Variants in PCDH15 observed in about 807,000 individuals in gnomAD.
PCDH15 encodes the protein protocadherin related 15.
In PCDH15, 129 loss-of-function variants were observed where a neutral mutation model predicts 178.5. That is an observed-to-expected ratio of 0.72 (90% CI 0.63 to 0.84). The LOEUF (loss-of-function observed/expected upper bound fraction) is 0.84, where lower values mean the gene tolerates loss of function less well. Among genes scored for constraint, PCDH15 ranks in the 40% least tolerant of loss-of-function variants. The probability of loss-of-function intolerance (pLI) is 0.00; values close to 1 mark genes in which losing one functional copy is unlikely to be tolerated. For missense variants in PCDH15, 2,230 were observed against 2,099.9 expected (o/e 1.06, Z -1.21); for synonymous variants, 800 against 732.0 (o/e 1.09, Z -1.50).
intron 3 of PCDH15, among the ~76,000 whole-genome samples, chr10:54,463,011 C>G (rs2077294448): frequency 6.6e-6 from 1 of 151,946 alleles, no homozygotes; most frequent in Admixed American, 6.6e-5. Context: ...ACAGTAGAGT[C>G]CACACATGTT....
chr10:54,846,978 G>C (rs141684740), intron 3 of PCDH15, among the ~76,000 whole-genome samples: 19 of 152,026 alleles, frequency 1.2e-4, no homozygotes, highest in Admixed American at 1.1e-3. Flanking sequence ...TTTATCCTAC[G>C]CCACATCAAA....
chr10:54,013,499 C>T (rs796088047), intron 20 of PCDH15, among the ~76,000 whole-genome samples: 18 of 152,172 alleles, frequency 1.2e-4, no homozygotes, highest in African/African-American at 4.3e-4. Context: ...ATTGACCACA[C>T]AATTGGACAT....
At chr10:54,528,384 T>C (rs1406691035) in intron 2 of PCDH15, 1 of 1,575,304 alleles carries the variant, frequency 6.3e-7, no homozygotes, top group Non-Finnish European at 8.6e-7. Context: ...TTTTGTCATC[T>C]TACCCTCATA....
chr10:53,959,624 C>A, intron 23 of PCDH15, 108 bp downstream of exon 23: 1 of 823,042 alleles, frequency 1.2e-6, no homozygotes, highest in Non-Finnish European at 2.0e-6. Flanking sequence ...ACGCCTAAAC[C>A]AAAATTGGAA....
chr10:54,374,698 A>G (rs1319127344), intron 4 of PCDH15, among the ~76,000 whole-genome samples: 2 of 147,176 alleles, frequency 1.4e-5, no homozygotes, highest in African/African-American at 5.1e-5. Context: ...AACTTTAGTG[A>G]ACAAAAAAAT....
intron 1 of PCDH15, among the ~76,000 whole-genome samples, chr10:54,675,873 A>G (rs2094779180): frequency 6.6e-6 from 1 of 152,168 alleles, no homozygotes; most frequent in South Asian, 2.1e-4. Context: ...TGAATGAATG[A>G]ATTTTAAAAA....
chr10:54,789,876 A>G (rs980195862), intron 1 of PCDH15, among the ~76,000 whole-genome samples: 23 of 151,998 alleles, frequency 1.5e-4, no homozygotes, highest in Non-Finnish European at 2.9e-4. Context: ...ATGGAAGGTC[A>G]TAATTATTTA....
intron 2 of PCDH15, among the ~76,000 whole-genome samples, chr10:55,344,971 C>A (rs1019540962): frequency 6.6e-6 from 1 of 151,954 alleles, no homozygotes; most frequent in Non-Finnish European, 1.5e-5. Context: ...CCCTCTTTAT[C>A]TTCCTTTTGA....
chr10:55,230,516 A>G (rs534854942), intron 1 of PCDH15, among the ~76,000 whole-genome samples: 1 of 152,232 alleles, frequency 6.6e-6, no homozygotes, highest in South Asian at 2.1e-4. Context: ...GTGCATGCAC[A>G]GGGTGCCACA....
At chr10:53,815,432 G>A (rs1315731951) in intron 35 of PCDH15, among the ~76,000 whole-genome samples, 39 of 152,104 alleles carry the variant, frequency 2.6e-4, no homozygotes, top group Admixed American at 2.6e-3. Flanking sequence ...AAAGTCATTG[G>A]TGTTTGGATT....
At chr10:53,845,636 T>A (rs2077921848) in intron 28 of PCDH15, among the ~76,000 whole-genome samples, 1 of 151,768 alleles carries the variant, frequency 6.6e-6, no homozygotes, top group South Asian at 2.1e-4. Context: ...AGAAGAAATA[T>A]CACATATTCT....
chr10:55,282,643 A>ATATATTTGT (rs1842761104), intron 1 of PCDH15, among the ~76,000 whole-genome samples: 1 of 152,218 alleles, frequency 6.6e-6, no homozygotes, highest in Non-Finnish European at 1.5e-5. Flanking sequence ...GTTTATTTAC[A>ATATATTTGT]AATATAATTT....
chr10:55,317,598 C>A (rs1365984489), intron 1 of PCDH15, among the ~76,000 whole-genome samples: 1 of 151,542 alleles, frequency 6.6e-6, no homozygotes, highest in Non-Finnish European at 1.5e-5. Context: ...AAATGGAGTG[C>A]TTTAACATGA....
At chr10:55,059,616 G>C (rs1021406498) in intron 2 of PCDH15, among the ~76,000 whole-genome samples, 3 of 152,154 alleles carry the variant, frequency 2.0e-5, no homozygotes, top group Non-Finnish European at 4.4e-5. Context: ...CTTGCCAGCT[G>C]TGTGAAGATC....
At chr10:54,552,319 TGAA>T (rs1256814348) in intron 2 of PCDH15, among the ~76,000 whole-genome samples, 1 of 152,166 alleles carries the variant, frequency 6.6e-6, no homozygotes, top group Admixed American at 6.5e-5. Context: ...AGTTCACAGT[TGAA>T]GAAAAGGCAG....
At chr10:54,698,819 C>T (rs1488440077) in intron 1 of PCDH15, among the ~76,000 whole-genome samples, 2 of 152,042 alleles carry the variant, frequency 1.3e-5, no homozygotes, top group Admixed American at 6.6e-5. Flanking sequence ...ACAACTGAGC[C>T]ACTTTTTATC....
intron 1 of PCDH15, among the ~76,000 whole-genome samples, chr10:54,762,908 T>A (rs1468113934): frequency 1.3e-5 from 2 of 152,326 alleles, no homozygotes; most frequent in East Asian, 3.9e-4. Flanking sequence ...AAAGTATAGT[T>A]GCCAATGTTT....
intron 13 of PCDH15, among the ~76,000 whole-genome samples, chr10:54,182,499 GA>G (rs2048080837): frequency 1.1e-5 from 1 of 93,110 alleles, no homozygotes; most frequent in Admixed American, 1.1e-4. Context: ...GGAAAAGAGA[GA>G]AAAAAAGTGT....
chr10:55,514,331 G>A (rs1840957985), intron 2 of PCDH15, among the ~76,000 whole-genome samples: 1 of 152,116 alleles, frequency 6.6e-6, no homozygotes, highest in Non-Finnish European at 1.5e-5. Flanking sequence ...CTACCTTTAA[G>A]AAACTACCAC....
Sources: gnomAD v4.1 joint callset for allele counts (sites outside exome capture counted in the v4.1 genomes callset) on GRCh38, gnomAD v4.1.1 for gene constraint, MANE v1.5 for transcripts, NCBI Gene and HGNC (gene_info 2026-07-23, HGNC 2026-07-21) for gene names.